The following RBFOX3 variants were observed in gnomAD, a reference collection of about 807,000 sequenced individuals.
RBFOX3 encodes the protein RNA binding protein fox-1 homolog 3.
A neutral mutation model predicts 48.7 loss-of-function variants in RBFOX3; 17 were observed. The observed-to-expected ratio is 0.35, with a 90% CI of 0.24 to 0.52. RBFOX3 has a LOEUF of 0.52. Among genes scored for constraint, RBFOX3 ranks in the 20% least tolerant of loss-of-function variants. The probability of loss-of-function intolerance (pLI) is 0.94; values close to 1 mark genes in which losing one functional copy is unlikely to be tolerated. For synonymous variants in RBFOX3, 212 were observed against 209.5 expected (o/e 1.01, Z -0.10); for missense variants, 382 against 497.5 (o/e 0.77, Z 2.21).
In RBFOX3 at chr17:79,220,366, T is replaced by C. The variant is rs2059581882; in HGVS notation, c.-34+15400A>G. Among the ~76,000 whole-genome samples the C allele has an allele frequency of 6.6e-6, 1 of 152,128 alleles. No individual in the cohort carries two copies. Among genetic ancestry groups the C allele is most frequent in the Non-Finnish European group, 1.5e-5 (1 of 68,018 alleles). ...TCTTAGGAAGTGCGGCTCTCCTCTC[T>C]GCCTCCCGCTCGCTCCTGCTCACTC... On this transcript the variant is annotated intron_variant, in intron 4 of 14. Coordinates refer to ENST00000693108, the MANE Select transcript of RBFOX3 (RefSeq NM_001350451.2). This position sits in a 1 kb window ranked among gnomAD's most constrained non-coding sequence, Gnocchi z 5.9.
chr17:79,652,061 G>T, the RBFOX3 span, among the ~76,000 whole-genome samples: 1 of 151,842 alleles, frequency 6.6e-6, no homozygotes, highest in Non-Finnish European at 1.5e-5. Flanking sequence ...CACACCCCAA[G>T]CCAGAACCAC....
rs1192378579 is a variant in RBFOX3 at position 79,535,482 on chromosome 17, C to T, written c.-319-52884G>A. Among the ~76,000 whole-genome samples the T allele has an allele frequency of 4.6e-5, 7 of 152,166 alleles. No individual in the cohort carries two copies. The highest frequency in any genetic ancestry group is 1.0e-4 in the Non-Finnish European group (7 of 68,028). ...GGCCTCCAATCTCCCGATTCCTTTA[C>T]TCTCCCCTGTTACCCAAGTGAGTCA... On this transcript the variant is annotated intron_variant, in intron 1 of 14. Coordinates refer to ENST00000693108, the MANE Select transcript of RBFOX3 (RefSeq NM_001350451.2). The surrounding 1 kb of genome is among the most constrained non-coding windows in gnomAD (Gnocchi z 4.5).
At chr17:79,585,324 G>A (rs1396360306) in intron 1 of RBFOX3, among the ~76,000 whole-genome samples, 7 of 152,038 alleles carry the variant, frequency 4.6e-5, no homozygotes, top group Non-Finnish European at 8.8e-5. Context: ...GGGAGGCTGA[G>A]GCGGGTGCAT....
intron 1 of RBFOX3, among the ~76,000 whole-genome samples, chr17:79,542,521 C>T (rs188650237): frequency 3.9e-5 from 6 of 152,326 alleles, no homozygotes; most frequent in East Asian, 1.9e-4. Context: ...AGGTGGCTGA[C>T]GCCTGTAATC....
At chr17:79,366,508 TC>T (rs1250002789) in intron 2 of RBFOX3, among the ~76,000 whole-genome samples, 2 of 152,174 alleles carry the variant, frequency 1.3e-5, no homozygotes, top group Non-Finnish European at 2.9e-5. Context: ...AAAGTCAGTG[TC>T]CCCAGAGCCT....
intron 2 of RBFOX3, among the ~76,000 whole-genome samples, chr17:79,475,777 G>A (rs2077649021): frequency 6.6e-6 from 1 of 152,202 alleles, no homozygotes; most frequent in Non-Finnish European, 1.5e-5. Context: ...GGCAGAGACT[G>A]GACTGACAGT....
rs2145272494 is a variant in RBFOX3, at chr17:79,299,879, C to G, written c.-74+7845G>C. Among the ~76,000 whole-genome samples, 1 of 152,106 alleles carries G rather than the reference C, an allele frequency of 6.6e-6. No homozygotes were observed. Among genetic ancestry groups the G allele is most frequent in the African/African-American group, 2.4e-5 (1 of 41,490 alleles). ...TTAGCCAGCTTCTCAGTACCCCACA[C>G]AGGCCTCCAAAGGAATCTGCCGACA... On this transcript the variant is annotated intron_variant, in intron 3 of 14. Coordinates refer to ENST00000693108, the MANE Select transcript of RBFOX3 (RefSeq NM_001350451.2). The surrounding 1 kb of genome is among the most constrained non-coding windows in gnomAD (Gnocchi z 4.5).
At chr17:79,343,159 G>A (rs1458057510) in intron 2 of RBFOX3, among the ~76,000 whole-genome samples, 4 of 152,124 alleles carry the variant, frequency 2.6e-5, no homozygotes, top group African/African-American at 7.2e-5. Flanking sequence ...AGTACATGAC[G>A]ATCTCTTCAT....
At chr17:79,157,341 G>A (rs750656042) in intron 4 of RBFOX3, among the ~76,000 whole-genome samples, 6 of 152,124 alleles carry the variant, frequency 3.9e-5, no homozygotes, top group African/African-American at 9.7e-5. Context: ...TCCCCTCTGC[G>A]GAGAGCCCAG....
At chr17:79,631,730 G>A in the RBFOX3 span, among the ~76,000 whole-genome samples, 4 of 152,296 alleles carry the variant, frequency 2.6e-5, no homozygotes, top group Non-Finnish European at 5.9e-5. Flanking sequence ...TCCCTAGAGC[G>A]GGGGCCAGAA....
intron 14 of RBFOX3, among the ~76,000 whole-genome samples, chr17:79,093,308 C>G (rs66745812): frequency 0.39 from 58,233 of 151,184 alleles, 12,112 homozygotes; most frequent in African/African-American, 0.55. Context: ...CAGAAAAGAA[C>G]AACACAGCAA....
intron 3 of RBFOX3, among the ~76,000 whole-genome samples, chr17:79,296,244 A>C (rs1397179561): frequency 6.6e-6 from 1 of 152,152 alleles, no homozygotes; most frequent in Non-Finnish European, 1.5e-5. Flanking sequence ...TCAGCAAAAA[A>C]TTAAAAGAAA....
the RBFOX3 span, among the ~76,000 whole-genome samples, chr17:79,641,780 C>G: frequency 6.6e-6 from 1 of 152,154 alleles, no homozygotes; most frequent in East Asian, 1.9e-4. Flanking sequence ...GGGGAGGTTT[C>G]TCATGTTTTA....
chr17:79,180,598 G>C (rs1040981294), intron 4 of RBFOX3, among the ~76,000 whole-genome samples: 4 of 152,198 alleles, frequency 2.6e-5, no homozygotes, highest in African/African-American at 4.8e-5. Context: ...TACCTCCGGG[G>C]GCTGCTGCAG....
intron 2 of RBFOX3, among the ~76,000 whole-genome samples, chr17:79,336,083 T>C (rs2081147207): frequency 6.6e-6 from 1 of 152,134 alleles, no homozygotes; most frequent in African/African-American, 2.4e-5. Context: ...ATCACACCCG[T>C]TCTTTTAAAT....
Position 79,220,357 on chromosome 17 carries a change from T to C in RBFOX3, c.-34+15409A>G, listed in dbSNP as rs985789301. Among the ~76,000 whole-genome samples the C allele has an allele frequency of 6.6e-6, 1 of 152,098 alleles. No individual in the cohort carries two copies. The highest frequency in any genetic ancestry group is 1.9e-4 in the East Asian group (1 of 5,176). The stretch of plus-strand genomic sequence containing the variant: ...TTGCAGCTGTCTTAGGAAGTGCGGC[T>C]CTCCTCTCTGCCTCCCGCTCGCTCC... On this transcript the variant is annotated intron_variant, in intron 4 of 14. Coordinates refer to ENST00000693108, the MANE Select transcript of RBFOX3 (RefSeq NM_001350451.2). This position sits in a 1 kb window ranked among gnomAD's most constrained non-coding sequence, Gnocchi z 5.9.
At chr17:79,246,001 G>A (rs2148133653) in intron 3 of RBFOX3, among the ~76,000 whole-genome samples, 1 of 151,606 alleles carries the variant, frequency 6.6e-6, no homozygotes, top group East Asian at 1.9e-4. Context: ...TTTTGCTTCA[G>A]CCACGAGCAT....
In RBFOX3 at chr17:79,421,992, G is replaced by C. The variant is rs1206822856; in HGVS notation, c.-175+60462C>G. On this transcript the variant is annotated intron_variant, in intron 2 of 14. Coordinates refer to ENST00000693108, the MANE Select transcript of RBFOX3 (RefSeq NM_001350451.2). The surrounding 1 kb of genome is among the most constrained non-coding windows in gnomAD (Gnocchi z 4.5). ...GCTGCCCGGACGAGATGAGGAGGGG[G>C]ACTTGCCGGCTGCTGGCTTCCAGCC... 6.6e-6 allele frequency among the ~76,000 whole-genome samples: 1 copy of C among 152,146 alleles called. No homozygotes were observed. The highest frequency in any genetic ancestry group is 1.9e-4 in the East Asian group (1 of 5,166).
At chr17:79,651,838 C>CT in the RBFOX3 span, among the ~76,000 whole-genome samples, 86,501 of 93,436 alleles carry the variant, frequency 0.93, 41,072 homozygotes, top group Non-Finnish European at 1. Flanking sequence ...CTCTCTCTCT[C>CT]TTCTCTCTCT....
Sources: allele counts gnomAD v4.1 joint callset (sites outside exome capture counted in the v4.1 genomes callset), GRCh38; gene constraint gnomAD v4.1.1; non-coding constraint Gnocchi (gnomAD v3.1); transcripts MANE v1.5; gene names NCBI Gene and HGNC (gene_info 2026-07-23, HGNC 2026-07-21).